Variants in CHRNB4 observed in about 807,000 individuals in gnomAD.
The protein encoded by CHRNB4 is cholinergic receptor nicotinic beta 4 subunit.
Under a neutral mutation model 40.4 loss-of-function variants are expected in CHRNB4, and 23 were observed. The ratio of observed to expected loss-of-function variants is 0.57; its 90% CI spans 0.41 to 0.81. The LOEUF (loss-of-function observed/expected upper bound fraction) is 0.81. Ranked by LOEUF, CHRNB4 falls within the 30% of genes least tolerant of loss-of-function variation. The pLI, the probability that CHRNB4 is intolerant of heterozygous loss-of-function variation, is 0.00. For synonymous variants in CHRNB4, 285 were observed against 274.4 expected, an observed-to-expected ratio of 1.04 and a Z score of -0.38; for missense variants, 568 against 670.6, an observed-to-expected ratio of 0.85 and a Z score of 1.69.
At chr15:78,645,344 C>G (rs2054114278), upstream of CHRNB4, among the ~76,000 whole-genome samples, 1 of 152,158 alleles carries the variant, frequency 6.6e-6, no homozygotes, top group Non-Finnish European at 1.5e-5. Context: ...ATTGACCAAC[C>G]CTGGTGCCTC....
At chr15:78,650,250 G>C (rs2054161330) in intron 6 of CHRNB4, among the ~76,000 whole-genome samples, 1 of 152,218 alleles carries the variant, frequency 6.6e-6, no homozygotes, top group Non-Finnish European at 1.5e-5. Context: ...GGCTCCACTA[G>C]CTGAGGCCCA....
At chr15:78,633,713 G>A (rs547004968) in intron 2 of CHRNB4, among the ~76,000 whole-genome samples, 3 of 152,132 alleles carry the variant, frequency 2.0e-5, no homozygotes, top group Non-Finnish European at 2.9e-5. Context: ...GAGTAAAGAC[G>A]AGGTTCAGGG....
Position 78,629,192 on chromosome 15 carries a change from C to T in CHRNB4, c.1113G>A (p.Glu371=). Residue 371 remains glutamate, a synonymous_variant, in exon 5 of 6, where the codon GAG becomes GAA. Transcript: ENST00000261751. The surrounding 1 kb of genome is among the most constrained non-coding windows in gnomAD (Gnocchi z 6.8). ...AGGGGCTGGTGGAGGTGGCGGTGGC[C>T]TCGGGCTTGGTCACGCATGACTTGC... The part of the protein sequence containing the change: ...PPSKSCVTKP[E]ATATSTSPSN... The T allele has an allele frequency of 6.2e-7, 1 of 1,613,904 alleles. No homozygotes were observed.
intron 2 of CHRNB4, among the ~76,000 whole-genome samples, chr15:78,632,219 C>CTT (rs1245714252): frequency 1.2e-5 from 1 of 86,834 alleles, no homozygotes; most frequent in African/African-American, 8.0e-5. Flanking sequence ...CTTTCTCTTT[C>CTT]TCTCTCTCTC....
intron 1 of CHRNB4, among the ~76,000 whole-genome samples, chr15:78,640,700 C>T (rs571633096): frequency 6.6e-6 from 1 of 152,354 alleles, no homozygotes; most frequent in African/African-American, 2.4e-5. Context: ...AGGAAGGAGC[C>T]TCGGCCCTGT....
intron 2 of CHRNB4, 92 bp downstream of exon 2, chr15:78,635,347 T>C: frequency 1.3e-6 from 2 of 1,495,492 alleles, no homozygotes; most frequent in African/African-American, 1.4e-5. Flanking sequence ...TCAACTATAG[T>C]AGTTTCATTC....
chr15:78,629,129 G>A lies in CHRNB4; in HGVS notation c.1176C>T (p.Pro392=), dbSNP rs142694602. The A allele has an allele frequency of 2.7e-5, 43 of 1,614,146 alleles. No homozygotes were observed. In the African/African-American group the frequency reaches 3.5e-4, roughly 13 times the overall value. The change falls in exon 5 of 6, where the codon CCC becomes CCT. Residue 392 remains proline, a synonymous_variant. Transcript: ENST00000261751. This position sits in a 1 kb window ranked among gnomAD's most constrained non-coding sequence, Gnocchi z 6.8. ...FYGNSMYFVN[P]ASAASKSPAG... is the part of the protein sequence containing the mutation. ...CTGGAGACTTGGAAGCTGCAGAGGC[G>A]GGGTTCACAAAGTACATGGAGTTCC...
chr15:78,635,442 G>T lies in CHRNB4; in HGVS notation c.201C>A (p.Ser67Arg). 6.2e-7 allele frequency: 1 copy of T among 1,613,734 alleles called. No individual in the cohort carries two copies. The highest frequency in any genetic ancestry group is 1.3e-5 in the African/African-American group (1 of 75,056). ...CACAGCTGCCCTCTGCACCTACCAC[G>T]CTGATAAGCTGGGCCAGGGAGAGCT... The part of the protein sequence containing the change: ...KLQLSLAQLI[S>R]VNEREQIMTT... Residue 67 changes from serine (S) to arginine (R), a missense_variant, in exon 2 of 6, where the codon AGC becomes AGA. By Grantham distance (110) the Ser-to-Arg change is moderately radical. Transcript: ENST00000261751.
chr15:78,645,643 T>C (rs1038312845), upstream of CHRNB4, among the ~76,000 whole-genome samples: 1 of 152,106 alleles, frequency 6.6e-6, no homozygotes, highest in Non-Finnish European at 1.5e-5. Flanking sequence ...TTCCCTTCCC[T>C]ATCTCACTTC....
At chr15:78,640,938 C>A in intron 1 of CHRNB4, 141 bp downstream of exon 1, 1 of 987,722 alleles carries the variant, frequency 1.0e-6, no homozygotes, top group Non-Finnish European at 1.5e-6. Context: ...CTCAGCCCTG[C>A]CCACGCCCCC....
intron 2 of CHRNB4, chr15:78,634,641 C>G (rs1212812628): frequency 8.9e-6 from 4 of 449,774 alleles, no homozygotes; most frequent in African/African-American, 6.0e-5. Flanking sequence ...GGAGGGTCAG[C>G]CCCCTTGGTG....
At chr15:78,636,884 C>T (rs543631828) in intron 1 of CHRNB4, among the ~76,000 whole-genome samples, 4 of 152,350 alleles carry the variant, frequency 2.6e-5, no homozygotes, top group African/African-American at 9.6e-5. Flanking sequence ...AAACCAGAAA[C>T]GGTTCCTGAC....
chr15:78,660,355 C>T (rs11072774), intron 1 of CHRNB4, among the ~76,000 whole-genome samples: 31,185 of 152,222 alleles, frequency 0.2, 3,700 homozygotes, highest in Admixed American at 0.38. Context: ...AAGTTGCTAA[C>T]AGCACTGGCT....
At chr15:78,630,870 CT>C in intron 4 of CHRNB4, 1 of 570,538 alleles carries the variant, frequency 1.8e-6, no homozygotes, top group Non-Finnish European at 3.2e-6. Flanking sequence ...GACAAGGTCC[CT>C]CCCCTCCCTC....
At chr15:78,631,411 C>T in intron 2 of CHRNB4, 79 bp from the exon 3 acceptor site, 1 of 1,450,242 alleles carries the variant, frequency 6.9e-7, no homozygotes, top group Non-Finnish European at 9.5e-7. Flanking sequence ...GTGCAAAAGG[C>T]TGTGAGCTCC....
rs772727413 is a variant in CHRNB4 at position 78,631,148 on chromosome 15, C to A, written c.287G>T (p.Arg96Leu). 1.3e-5 allele frequency: 21 copies of A among 1,614,102 alleles called. No individual in the cohort carries two copies. The highest frequency in any genetic ancestry group is 2.2e-5 in the East Asian group (1 of 44,894). Reference sequence around the variant, plus strand: ...CCTCAGGATGTTCACACCCTCGTAGCGGGAGCTGTTCCAGGTCAGGCGGTA... The same window carrying A: ...CCTCAGGATGTTCACACCCTCGTAGAGGGAGCTGTTCCAGGTCAGGCGGTA... Reference protein sequence around the residue: ...TDYRLTWNSSRYEGVNILRIP... With the variant: ...TDYRLTWNSSLYEGVNILRIP... The change falls in exon 4 of 6, where the codon CGC becomes CTC. Residue 96 changes from arginine to leucine, a missense_variant. Transcript: ENST00000261751.
intron 7 of CHRNB4, among the ~76,000 whole-genome samples, chr15:78,649,072 C>T (rs1214405313): frequency 6.6e-6 from 1 of 152,164 alleles, no homozygotes; most frequent in East Asian, 1.9e-4. Flanking sequence ...GCCACCGCTC[C>T]CGGCAGTTCA....
At chr15:78,632,430 C>G (rs983078616) in intron 2 of CHRNB4, among the ~76,000 whole-genome samples, 2 of 152,044 alleles carry the variant, frequency 1.3e-5, no homozygotes, top group Non-Finnish European at 2.9e-5. Context: ...ACCTCAGGCT[C>G]CTGAGTAGCT....
intron 6 of CHRNB4, among the ~76,000 whole-genome samples, chr15:78,649,959 T>C (rs2054157866): frequency 6.6e-6 from 1 of 152,236 alleles, no homozygotes; most frequent in Admixed American, 6.5e-5. Flanking sequence ...GTGTTTGTTA[T>C]GTGGGTTCCT....
Sources: allele counts gnomAD v4.1 joint callset (sites outside exome capture counted in the v4.1 genomes callset), GRCh38; gene constraint gnomAD v4.1.1; non-coding constraint Gnocchi (gnomAD v3.1); transcripts MANE v1.5; gene names NCBI Gene and HGNC (gene_info 2026-07-23, HGNC 2026-07-21).